LACTBL1: variants seen among roughly 807,000 people sequenced by gnomAD.
LACTBL1 encodes the protein beta-lactamase-like protein 1.
Under a neutral mutation model 39.6 loss-of-function variants are expected in LACTBL1, and 29 were observed. The ratio of observed to expected loss-of-function variants is 0.73; its 90% CI spans 0.55 to 1.00. The LOEUF is 1.00. Ranked by LOEUF, LACTBL1 falls within the 50% of genes least tolerant of loss-of-function variation. The pLI is 0.00. For missense variants in LACTBL1, 711 were observed against 748.5 expected, an observed-to-expected ratio of 0.95 and a Z score of 0.59; for synonymous variants, 361 against 360.7, an observed-to-expected ratio of 1.00 and a Z score of -0.01.
At chr1:22,956,056 T>C (rs1402385686) in intron 4 of LACTBL1, among the ~76,000 whole-genome samples, 20 of 77,800 alleles carry the variant, frequency 2.6e-4, no homozygotes, top group Middle Eastern at 0.011. Flanking sequence ...AGAGTGAAAC[T>C]CCATCTCAAA....
At chr1:22,961,732 C>T (rs1427042213) in intron 2 of LACTBL1, among the ~76,000 whole-genome samples, 1 of 151,824 alleles carries the variant, frequency 6.6e-6, no homozygotes, top group Non-Finnish European at 1.5e-5. Context: ...GAGCTCGGTC[C>T]ACCTCCACTT....
At chr1:22,972,464 A>G in the LACTBL1 span, 2 of 984,810 alleles carry the variant, frequency 2.0e-6, no homozygotes, top group African/African-American at 3.5e-5. Flanking sequence ...GAGAAAAGCT[A>G]GAAAACAAGG....
At chr1:22,967,342 C>T (rs1166940679), upstream of LACTBL1, among the ~76,000 whole-genome samples, 1 of 151,946 alleles carries the variant, frequency 6.6e-6, no homozygotes, top group African/African-American at 2.4e-5. Flanking sequence ...GCACTCCAGC[C>T]TAGATGACAG....
chr1:22,958,907 A>G (rs1640788744), exon 4 of LACTBL1: 1 of 1,547,686 alleles, frequency 6.5e-7, no homozygotes, highest in Admixed American at 2.0e-5. Context: ...AAGATCTTGG[A>G]GATGCTGGAG....
intron 5 of LACTBL1, 71 bp from the exon 8 acceptor site, chr1:22,954,095 G>A (rs1417549840): frequency 6.9e-7 from 1 of 1,456,576 alleles, no homozygotes; most frequent in Non-Finnish European, 9.1e-7. Flanking sequence ...AATGCCACCA[G>A]TTTCATGGGA....
At chr1:22,959,141 G>A (rs750608468) in intron 3 of LACTBL1, among the ~76,000 whole-genome samples, 2 of 152,186 alleles carry the variant, frequency 1.3e-5, no homozygotes, top group Non-Finnish European at 2.9e-5. Flanking sequence ...GGATATCCTG[G>A]GCCAGGCTCT....
the LACTBL1 span, among the ~76,000 whole-genome samples, chr1:22,971,128 G>C: frequency 6.6e-6 from 1 of 152,166 alleles, no homozygotes; most frequent in Non-Finnish European, 1.5e-5. Context: ...ATTTTTAGGT[G>C]AAGAATAAAA....
intron 4 of LACTBL1, 43 bp from the exon 7 acceptor site, chr1:22,955,469 G>A: frequency 2.3e-6 from 3 of 1,316,524 alleles, no homozygotes; most frequent in South Asian, 1.3e-5. Flanking sequence ...CCGGCTGAGG[G>A]TGGGATGGTG....
chr1:22,962,644 T>A (rs1465250150), intron 2 of LACTBL1, among the ~76,000 whole-genome samples: 1 of 152,162 alleles, frequency 6.6e-6, no homozygotes, highest in Non-Finnish European at 1.5e-5. Context: ...ATGTGTCATA[T>A]ACTTTCTGCA....
At chr1:22,954,109 G>A in intron 5 of LACTBL1, 85 bp from the exon 8 acceptor site, 1 of 1,449,920 alleles carries the variant, frequency 6.9e-7, no homozygotes, top group Non-Finnish European at 9.1e-7. Flanking sequence ...CATGGGACTG[G>A]GCGGGGCTGG....
exon 6 of LACTBL1, chr1:22,953,572 G>A: frequency 8.0e-7 from 1 of 1,250,990 alleles, no homozygotes. Flanking sequence ...CGAGAAGGTG[G>A]CGGCGTAGCC....
exon 5 of LACTBL1, chr1:22,955,362 G>T: frequency 6.4e-7 from 1 of 1,550,548 alleles, no homozygotes; most frequent in Middle Eastern, 1.7e-4. Context: ...CCTTGAGCAG[G>T]TTCAGGGCCT....
chr1:22,968,290 A>G (rs530556942), upstream of LACTBL1, among the ~76,000 whole-genome samples: 6 of 152,330 alleles, frequency 3.9e-5, no homozygotes, highest in Admixed American at 1.3e-4. Flanking sequence ...ACTATTTCAC[A>G]GTCCAGTTGG....
At chr1:22,962,533 G>A (rs1640835794) in intron 2 of LACTBL1, among the ~76,000 whole-genome samples, 1 of 152,150 alleles carries the variant, frequency 6.6e-6, no homozygotes, top group Non-Finnish European at 1.5e-5. Flanking sequence ...GGGGAGCATG[G>A]AGTGTTTAAT....
At chr1:22,966,452 T>C (rs1411875019), upstream of LACTBL1, among the ~76,000 whole-genome samples, 1 of 152,198 alleles carries the variant, frequency 6.6e-6, no homozygotes, top group African/African-American at 2.4e-5. Context: ...CTGTCCTCAG[T>C]ACACACGCAA....
intron 4 of LACTBL1, among the ~76,000 whole-genome samples, chr1:22,957,640 C>CTTTTTTTTT (rs34603019): frequency 5.3e-5 from 3 of 56,682 alleles, no homozygotes; most frequent in African/African-American, 2.3e-4. Context: ...TCTTAATATT[C>CTTTTTTTTT]TTTTTTTTTT....
upstream of LACTBL1, among the ~76,000 whole-genome samples, chr1:22,969,557 G>C (rs1640916792): frequency 6.6e-6 from 1 of 152,114 alleles, no homozygotes; most frequent in Admixed American, 6.5e-5. Context: ...TGGCAAGAGA[G>C]ACTTTCTATG....
At chr1:22,956,352 CAG>C (rs1355912181) in intron 4 of LACTBL1, among the ~76,000 whole-genome samples, 1 of 151,928 alleles carries the variant, frequency 6.6e-6, no homozygotes, top group South Asian at 2.1e-4. Flanking sequence ...GCATGGGAAA[CAG>C]AGTGAGACCC....
At chr1:22,953,373 G>A (rs1640725273) in exon 6 of LACTBL1, 1 of 1,228,474 alleles carries the variant, frequency 8.1e-7, no homozygotes, top group South Asian at 4.1e-5. Flanking sequence ...AGAAGGTCAG[G>A]TTGGCGAAGG....
Sources: allele counts gnomAD v4.1 joint callset (sites outside exome capture counted in the v4.1 genomes callset), GRCh38; gene constraint gnomAD v4.1.1; transcripts MANE v1.5; gene names NCBI Gene and HGNC (gene_info 2026-07-23, HGNC 2026-07-21).